The following RTTN variants were observed in gnomAD, a reference collection of about 807,000 sequenced individuals.
RTTN encodes rotatin.
A neutral mutation model predicts 269.2 loss-of-function variants in RTTN; 182 were observed. That is an observed-to-expected ratio of 0.68 (90% CI 0.60 to 0.76). The LOEUF is 0.76. Among genes scored for constraint, RTTN ranks in the 30% least tolerant of loss-of-function variants. The pLI, the probability that RTTN is intolerant of heterozygous loss-of-function variation, is 0.00. For synonymous variants in RTTN, 1,006 were observed against 963.5 expected, an observed-to-expected ratio of 1.04 and a Z score of -0.82; for missense variants, 2,545 against 2,608.6, an observed-to-expected ratio of 0.98 and a Z score of 0.53.
intron 27 of RTTN, among the ~76,000 whole-genome samples, chr18:70,112,384 T>TTG (rs2059491282): frequency 6.8e-6 from 1 of 147,284 alleles, no homozygotes; most frequent in Non-Finnish European, 1.5e-5. Context: ...AGTCAAGACC[T>TTG]ATCAGTGTGC....
chr18:70,190,585 TG>T lies in RTTN; in HGVS notation c.1141del (p.Gln381SerfsTer14). 1.2e-6 allele frequency: 2 copies of T among 1,613,856 alleles called. No homozygotes were observed. Among genetic ancestry groups the T allele is most frequent in the Non-Finnish European group, 1.7e-6 (2 of 1,179,762 alleles). ...ELQFQQLSLP[Q>X]FCVSILESAV... is the part of the protein sequence containing the mutation. ...TGATTCCAGAATGGAGACACAAAAC[TG>T]GGGAAGACTGAGCTGCTGGAATTGT... is the stretch of plus-strand genomic sequence containing the variant. On this transcript the variant is annotated frameshift_variant, in exon 9 of 49. Coordinates refer to ENST00000640769, the MANE Select transcript of RTTN (RefSeq NM_173630.4). LOFTEE classifies it high-confidence loss of function.
intron 28 of RTTN, among the ~76,000 whole-genome samples, chr18:70,098,957 A>G (rs1270104525): frequency 6.6e-6 from 1 of 152,132 alleles, no homozygotes; most frequent in Non-Finnish European, 1.5e-5. Flanking sequence ...CCATGTCCCT[A>G]CAAAGGACAT....
chr18:70,105,302 G>A (rs113322918), intron 28 of RTTN, among the ~76,000 whole-genome samples: 5,186 of 152,288 alleles, frequency 0.034, 306 homozygotes, highest in African/African-American at 0.12. Context: ...CAAGCCAGGC[G>A]TGGGATATAA....
intron 25 of RTTN, among the ~76,000 whole-genome samples, chr18:70,127,237 A>C (rs1412772576): frequency 6.6e-6 from 1 of 152,206 alleles, no homozygotes; most frequent in Non-Finnish European, 1.5e-5. Context: ...TGTTTCATCC[A>C]TGTCTTATCC....
intron 28 of RTTN, among the ~76,000 whole-genome samples, chr18:70,109,004 A>G (rs529148604): frequency 9.8e-5 from 15 of 152,338 alleles, no homozygotes; most frequent in African/African-American, 3.6e-4. Context: ...AGAAGATAAA[A>G]TTTCAAAAAA....
intron 34 of RTTN, among the ~76,000 whole-genome samples, chr18:70,070,048 T>C (rs1229333352): frequency 6.6e-6 from 1 of 152,204 alleles, no homozygotes; most frequent in Non-Finnish European, 1.5e-5. Context: ...AGATTCATAA[T>C]TCAAATGGAT....
At chr18:70,010,055 C>T (rs536690126) in intron 46 of RTTN, among the ~76,000 whole-genome samples, 1 of 152,298 alleles carries the variant, frequency 6.6e-6, no homozygotes, top group East Asian at 1.9e-4. Context: ...AATATATATG[C>T]ACCCAATACA....
In RTTN at chr18:70,047,788, G is replaced by A. The variant is rs552269072; in HGVS notation, c.5541+183C>T. Among the ~76,000 whole-genome samples the A allele has an allele frequency of 7.2e-5, 11 of 152,228 alleles. No homozygotes were observed. In the East Asian group the frequency reaches 7.7e-4, roughly 11 times the overall value. The stretch of plus-strand genomic sequence containing the variant: ...ACTGAAGAAACTGGTCAACATAAGC[G>A]GGTGGGGCTAAGGAGGAGATAGTTA... On this transcript the variant is annotated intron_variant, in intron 40 of 48. Coordinates refer to ENST00000640769, the MANE Select transcript of RTTN (RefSeq NM_173630.4).
intron 19 of RTTN, 101 bp downstream of exon 19, chr18:70,142,187 C>G: frequency 5.6e-6 from 4 of 719,256 alleles, no homozygotes; most frequent in African/African-American, 1.8e-5. Flanking sequence ...CAGGCTGGAT[C>G]TGGCGCATAA....
At chr18:70,171,360 T>A (rs1301124336) in intron 11 of RTTN, among the ~76,000 whole-genome samples, 1 of 152,152 alleles carries the variant, frequency 6.6e-6, no homozygotes, top group Non-Finnish European at 1.5e-5. Context: ...CTGACTCTAG[T>A]CAGAAAAATA....
intron 27 of RTTN, among the ~76,000 whole-genome samples, chr18:70,110,546 G>T (rs927520418): frequency 6.6e-6 from 1 of 152,146 alleles, no homozygotes; most frequent in Non-Finnish European, 1.5e-5. Flanking sequence ...CTTGTCCCAC[G>T]GTTTTCGCAA....
At chr18:70,070,967 T>C (rs991044325) in intron 34 of RTTN, among the ~76,000 whole-genome samples, 7 of 152,196 alleles carry the variant, frequency 4.6e-5, no homozygotes, top group Non-Finnish European at 1.0e-4. Flanking sequence ...CAGTGGCCAC[T>C]TCCTACACAA....
At chr18:70,036,477 A>G (rs2057175018) in intron 40 of RTTN, among the ~76,000 whole-genome samples, 1 of 152,212 alleles carries the variant, frequency 6.6e-6, no homozygotes, top group African/African-American at 2.4e-5. Context: ...CTCACTTATA[A>G]GTAGGAGCTA....
chr18:70,196,844 A>C (rs1438416047), intron 6 of RTTN, among the ~76,000 whole-genome samples, 196 bp from the exon 7 acceptor site: 1 of 152,234 alleles, frequency 6.6e-6, no homozygotes, highest in Non-Finnish European at 1.5e-5. Flanking sequence ...AAATAAAATA[A>C]GACAACAACA....
At position 70,047,974 on chromosome 18, in the gene RTTN, A is replaced by C. The variant is rs775616759; in HGVS notation, c.5538T>G (p.Leu1846=). The change falls in exon 40 of 49, where the codon CTT becomes CTG. Residue 1846 remains leucine, a synonymous_variant. Transcript: ENST00000640769. ...GAAAAACCAAGAAATGACGTACCTG[A>C]AGGATTACATCACTAAGTTGTTCTA... ...KSLEQLSDVI[L]QCYEGKSSKD... is the part of the protein sequence containing the mutation. The C allele has an allele frequency of 6.2e-7, 1 of 1,611,958 alleles. No individual in the cohort carries two copies. The highest frequency in any genetic ancestry group is 2.2e-5 in the East Asian group (1 of 44,852).
intron 17 of RTTN, among the ~76,000 whole-genome samples, chr18:70,148,006 C>A (rs532262671): frequency 2.1e-4 from 32 of 152,156 alleles, no homozygotes; most frequent in African/African-American, 6.8e-4. Flanking sequence ...TTACTCTCTA[C>A]AATACAGAGA....
At chr18:70,102,472 C>T (rs569763575) in intron 28 of RTTN, among the ~76,000 whole-genome samples, 23 of 152,210 alleles carry the variant, frequency 1.5e-4, no homozygotes, top group African/African-American at 4.6e-4. Flanking sequence ...TGTCTCTGCA[C>T]GTGAGATGAG....
intron 28 of RTTN, among the ~76,000 whole-genome samples, chr18:70,098,363 G>T (rs2059059744): frequency 6.6e-6 from 1 of 152,042 alleles, no homozygotes; most frequent in African/African-American, 2.4e-5. Flanking sequence ...AATCAGAGCT[G>T]AACTGAAGGA....
intron 34 of RTTN, among the ~76,000 whole-genome samples, chr18:70,068,725 T>C (rs1402474164): frequency 6.6e-6 from 1 of 152,192 alleles, no homozygotes; most frequent in Non-Finnish European, 1.5e-5. Context: ...AGCGAGAGTC[T>C]AATTCTTGTA....
Sources: gnomAD v4.1 joint callset for allele counts (sites outside exome capture counted in the v4.1 genomes callset) on GRCh38, gnomAD v4.1.1 for gene constraint, MANE v1.5 for transcripts, NCBI Gene and HGNC (gene_info 2026-07-23, HGNC 2026-07-21) for gene names.